The following PRAM1 variants were observed in gnomAD, a reference collection of about 807,000 sequenced individuals.
The protein encoded by PRAM1 is PML-RARA regulated adaptor molecule 1.
Under a neutral mutation model 55.3 loss-of-function variants are expected in PRAM1, and 41 were observed. The observed-to-expected ratio is 0.74, with a 90% confidence interval of 0.58 to 0.96. PRAM1 has a LOEUF of 0.96. PRAM1 is among the 40% of genes least tolerant of loss of function. PRAM1 has a pLI of 0.00. For missense variants in PRAM1, 898 were observed against 892.7 expected, an observed-to-expected ratio of 1.01 and a Z score of -0.08; for synonymous variants, 401 against 387.1, an observed-to-expected ratio of 1.04 and a Z score of -0.42.
Position 8,499,718 on chromosome 19 carries a change from G to T in PRAM1, c.90C>A (p.Ser30Arg), listed in dbSNP as rs767559785. Residue 30 changes from serine (S) to arginine (R), a missense_variant, in exon 2 of 10, where the codon AGC (serine) becomes AGA (arginine). This residue lies in a region of PRAM1 where 79 missense variants were observed against 93.4 expected (regional missense o/e 0.85). Transcript: ENST00000423345. ...GCTTCGGAGGTTTTTTGGGCAGGTC[G>T]CTGGGCTCCGGCTGAGAGGCCTGGA... ...AKFQASQPEP[S>R]DLPKKPPKPE... The T allele has an allele frequency of 1.9e-6, 3 of 1,613,542 alleles. No homozygotes were observed. Among genetic ancestry groups the T allele is most frequent in the Admixed American group, 3.3e-5 (2 of 59,962 alleles).
Position 8,493,358 on chromosome 19 carries a change from T to C in PRAM1, c.1577-2201A>G, listed in dbSNP as rs6422427. ...AGGCATGGCCATCCACAGTCTCACCTGGAACACACAGCCCCTCCAGCTGCT... is the reference window on the plus strand; with the variant it reads ...AGGCATGGCCATCCACAGTCTCACCCGGAACACACAGCCCCTCCAGCTGCT... On this transcript the variant is annotated intron_variant, in intron 4 of 9. Coordinates refer to ENST00000423345, the MANE Select transcript of PRAM1 (RefSeq NM_032152.5). This position sits in a 1 kb window ranked among gnomAD's most constrained non-coding sequence, Gnocchi z 4.1. Among the ~76,000 whole-genome samples the C allele has an allele frequency of 0.98, 149,554 of 152,336 alleles. 73,461 individuals are homozygous for C. The highest frequency in any genetic ancestry group is 1 in the South Asian group (4,830 of 4,830).
At chr19:8,500,586 G>A (rs567250561) in intron 1 of PRAM1, among the ~76,000 whole-genome samples, 1 of 152,070 alleles carries the variant, frequency 6.6e-6, no homozygotes, top group East Asian at 1.9e-4. Context: ...GGGCGAACCA[G>A]CCTCCCTACC....
At position 8,490,710 on chromosome 19, in the gene PRAM1, T is replaced by C; in HGVS notation, c.1790A>G (p.Asn597Ser). 1.2e-6 allele frequency: 2 copies of C among 1,611,296 alleles called. No homozygotes were observed. The highest frequency in any genetic ancestry group is 1.7e-6 in the Non-Finnish European group (2 of 1,179,256). Residue 597 changes from asparagine to serine, a missense_variant, in exon 7 of 10, where the codon AAC (asparagine) becomes AGC (serine). This residue lies in a region of PRAM1 where 787 missense variants were observed against 735.4 expected (regional missense o/e 1.07). Transcript: ENST00000423345. This position sits in a 1 kb window ranked among gnomAD's most constrained non-coding sequence, Gnocchi z 7.3. The stretch of plus-strand genomic sequence containing the variant: ...GCCACCCCCGCGACGTGTCTTAGCG[T>C]TGGGGTCGATCATCATCTTCGTGTG... Reference protein sequence around the residue: ...VVHTKMMIDPNAKTRRGGGKH... With the variant: ...VVHTKMMIDPSAKTRRGGGKH...
At chr19:8,494,746 C>T (rs1280413750) in intron 4 of PRAM1, among the ~76,000 whole-genome samples, 1 of 151,694 alleles carries the variant, frequency 6.6e-6, no homozygotes, top group East Asian at 1.9e-4. Flanking sequence ...ATTCTCCTGC[C>T]TCAGCCTCCC....
Position 8,499,309 on chromosome 19 carries a change from G to A in PRAM1, c.499C>T (p.Pro167Ser), listed in dbSNP as rs1164346225. ...TGACTGAGTTCGTCGGGCTGCAGGGGTTTCCGGGCCGGCGCACCAGGCTCC... is the reference window on the plus strand; with the variant it reads ...TGACTGAGTTCGTCGGGCTGCAGGGATTTCCGGGCCGGCGCACCAGGCTCC... ...LPEPGAPARK[P>S]LQPDELSHPA... The change falls in exon 2 of 10, where the codon CCC (proline) becomes TCC (serine). Residue 167 changes from proline to serine, a missense_variant. Pro to Ser is a moderately conservative substitution (Grantham distance 74). Transcript: ENST00000423345. 1.2e-6 allele frequency: 2 copies of A among 1,610,438 alleles called. No individual in the cohort carries two copies. The highest frequency in any genetic ancestry group is 1.7e-6 in the Non-Finnish European group (2 of 1,178,578).
chr19:8,491,067 C>CCA (rs755170972), intron 5 of PRAM1, 33 bp downstream of exon 5: 3 of 1,612,030 alleles, frequency 1.9e-6, no homozygotes, highest in Non-Finnish European at 2.5e-6. Flanking sequence ...TGGAGCTCGC[C>CCA]CCCCGTCTGC....
In PRAM1 at chr19:8,498,728, A is replaced by T. The variant is rs373007401; in HGVS notation, c.1080T>A (p.Pro360=). 3 of 1,586,592 alleles carry T rather than the reference A, an allele frequency of 1.9e-6. No individual in the cohort carries two copies. Among genetic ancestry groups the T allele is most frequent in the Middle Eastern group, 1.7e-4 (1 of 6,028 alleles). The change falls in exon 2 of 10, where the codon CCT becomes CCA. Residue 360 remains proline, a synonymous_variant. Coordinates refer to ENST00000423345, the MANE Select transcript of PRAM1 (RefSeq NM_032152.5). ...RRGPPRKFSQ[P]EPSAVLKRHP... ...GTCTCTTGAGGACAGCGCTGGGCTCAGGCTGTGAGAACTTGCGGGGTGGCC... is the reference window on the plus strand; with the variant it reads ...GTCTCTTGAGGACAGCGCTGGGCTCTGGCTGTGAGAACTTGCGGGGTGGCC...
At chr19:8,495,534 C>A (rs114412646) in intron 4 of PRAM1, among the ~76,000 whole-genome samples, 1 of 152,170 alleles carries the variant, frequency 6.6e-6, no homozygotes, top group Non-Finnish European at 1.5e-5. Flanking sequence ...GCTGCCACGC[C>A]GGGCCAGCCT....
intron 4 of PRAM1, among the ~76,000 whole-genome samples, chr19:8,492,181 C>A (rs191155132): frequency 6.7e-6 from 1 of 148,464 alleles, no homozygotes; most frequent in South Asian, 2.2e-4. Flanking sequence ...GTGATCCACC[C>A]GCCTCGGCCT....
chr19:8,491,047 TG>T (rs1178164212), intron 5 of PRAM1, 52 bp from the exon 6 acceptor site: 9 of 1,611,468 alleles, frequency 5.6e-6, no homozygotes, highest in African/African-American at 1.3e-5. Context: ...TGTGCTCCTC[TG>T]GGGGTTCCTG....
chr19:8,501,098 CTTTTTTT>C (rs35262115), intron 1 of PRAM1, among the ~76,000 whole-genome samples: 2 of 118,170 alleles, frequency 1.7e-5, no homozygotes, highest in Non-Finnish European at 3.4e-5. Context: ...TTCTTTCTTT[CTTTTTTT>C]TTTTTTTTTT....
chr19:8,499,826 G>C, intron 1 of PRAM1, 46 bp from the exon 2 acceptor site: 3 of 1,497,746 alleles, frequency 2.0e-6, no homozygotes, highest in Non-Finnish European at 2.7e-6. Flanking sequence ...ACACACAGAA[G>C]GGGCATGGAA....
intron 4 of PRAM1, among the ~76,000 whole-genome samples, chr19:8,494,844 G>C (rs1971676056): frequency 6.6e-6 from 1 of 151,706 alleles, no homozygotes; most frequent in Admixed American, 6.6e-5. Flanking sequence ...TGTTGGCCAG[G>C]CTGGTCTTGA....
chr19:8,493,735 A>G lies in PRAM1; in HGVS notation c.1577-2578T>C, dbSNP rs1426226102. On this transcript the variant is annotated intron_variant, in intron 4 of 9. Transcript: ENST00000423345. The surrounding 1 kb of genome is among the most constrained non-coding windows in gnomAD (Gnocchi z 4.1). ...ACCTAAGCTGCCTTTGAGAAGCTGC[A>G]CCCACAGTGAGAAGCCCACGCCACT... 6.6e-6 allele frequency among the ~76,000 whole-genome samples: 1 copy of G among 152,044 alleles called. No homozygotes were observed. The highest frequency in any genetic ancestry group is 1.5e-5 in the Non-Finnish European group (1 of 67,996).
chr19:8,498,566 C>T lies in PRAM1; in HGVS notation c.1242G>A (p.Gly414=), dbSNP rs1448961207. 1.2e-6 allele frequency: 2 copies of T among 1,612,106 alleles called. No individual in the cohort carries two copies. The highest frequency in any genetic ancestry group is 1.1e-5 in the South Asian group (1 of 91,014). ...HPLSPGFGAA[G]TPRWRSGGLV... is the part of the protein sequence containing the mutation. ...GGCCTCCTGACCTCCAGCGGGGTGT[C>T]CCAGCCGCTCCAAACCCAGGGCTGA... Residue 414 remains glycine (G), a synonymous_variant, in exon 2 of 10, where the codon GGG becomes GGA. Transcript: ENST00000423345.
At chr19:8,497,046 AATGG>A (rs894218663) in intron 4 of PRAM1, among the ~76,000 whole-genome samples, 2 of 151,958 alleles carry the variant, frequency 1.3e-5, no homozygotes, top group Non-Finnish European at 2.9e-5. Context: ...TAAATAAATG[AATGG>A]ATGGATGGAT....
intron 1 of PRAM1, among the ~76,000 whole-genome samples, chr19:8,501,232 C>T (rs998139883): frequency 6.6e-6 from 1 of 151,536 alleles, no homozygotes; most frequent in African/African-American, 2.4e-5. Flanking sequence ...GCTGGGATCA[C>T]AGGTGTCTGC....
intron 4 of PRAM1, 31 bp downstream of exon 4, chr19:8,497,733 T>C: frequency 6.4e-7 from 1 of 1,573,788 alleles, no homozygotes; most frequent in Non-Finnish European, 8.6e-7. Context: ...CCCGAATGTT[T>C]TGCAGGGACT....
At chr19:8,500,199 T>A (rs903700017) in intron 1 of PRAM1, among the ~76,000 whole-genome samples, 1 of 149,440 alleles carries the variant, frequency 6.7e-6, no homozygotes, top group Non-Finnish European at 1.5e-5. Context: ...TTGCAACTCC[T>A]GGGCTCCAAT....
Sources: gnomAD v4.1 joint callset for allele counts (sites outside exome capture counted in the v4.1 genomes callset) on GRCh38, gnomAD v4.1.1 for gene constraint, gnomAD v4.1.1 regional missense constraint, Gnocchi (gnomAD v3.1) non-coding constraint, MANE v1.5 for transcripts, NCBI Gene and HGNC (gene_info 2026-07-23, HGNC 2026-07-21) for gene names.